Variants in GRID2 observed in about 807,000 individuals in gnomAD.
GRID2 encodes the protein glutamate receptor ionotropic, delta-2.
GRID2 carries 33 observed loss-of-function variants against 114.8 expected under a neutral mutation model. That is an observed-to-expected ratio of 0.29 (90% CI 0.22 to 0.38). The LOEUF is 0.38. GRID2 is among the 10% of genes least tolerant of loss of function. The probability of loss-of-function intolerance (pLI) is 1.00; values close to 1 mark genes in which losing one functional copy is unlikely to be tolerated. For synonymous variants in GRID2, 505 were observed against 449.9 expected, an observed-to-expected ratio of 1.12 and a Z score of -1.55; for missense variants, 1,184 against 1,257.7, an observed-to-expected ratio of 0.94 and a Z score of 0.89.
intron 8 of GRID2, among the ~76,000 whole-genome samples, chr4:93,253,747 A>G (rs926365032): frequency 6.6e-6 from 1 of 152,146 alleles, no homozygotes; most frequent in African/African-American, 2.4e-5. Flanking sequence ...TCAAATTCCA[A>G]ATAATTCTGA....
At chr4:92,599,053 G>GTC (rs140216682) in intron 2 of GRID2, among the ~76,000 whole-genome samples, 1,299 of 88,576 alleles carry the variant, frequency 0.015, 21 homozygotes, top group African/African-American at 0.055. Context: ...TTTTTTTCCT[G>GTC]TCTCTCTCTC....
chr4:92,521,657 GC>G (rs1296588196), intron 1 of GRID2, among the ~76,000 whole-genome samples: 1 of 151,916 alleles, frequency 6.6e-6, no homozygotes, highest in Non-Finnish European at 1.5e-5. Context: ...TGGTGCCTGA[GC>G]TTATCTTAAA....
rs754211697 is a variant in GRID2, at chr4:92,860,282, CA to C, written c.245-224712del. ...ACCTAACAATTTTGCTGAGGGCCAG[CA>C]CCGGTCAGCTTTCTTTTTGTTAACA... On this transcript the variant is annotated intron_variant, in intron 2 of 15. Coordinates refer to ENST00000282020, the MANE Select transcript of GRID2 (RefSeq NM_001510.4). Among the ~76,000 whole-genome samples the C allele has an allele frequency of 3.1e-4, 47 of 152,044 alleles. 1 individual carries two copies. The highest frequency in any genetic ancestry group is 2.9e-5 in the Non-Finnish European group (2 of 67,984).
chr4:93,636,440 C>G (rs922529342), intron 14 of GRID2, among the ~76,000 whole-genome samples: 1 of 152,030 alleles, frequency 6.6e-6, no homozygotes, highest in African/African-American at 2.4e-5. Context: ...CACATGCGCA[C>G]ACATACACAC....
intron 2 of GRID2, among the ~76,000 whole-genome samples, chr4:92,780,760 G>A (rs992516013): frequency 6.6e-6 from 1 of 151,816 alleles, no homozygotes; most frequent in Non-Finnish European, 1.5e-5. Context: ...TTCTCTTCCT[G>A]CAGTTAGACT....
At chr4:92,565,850 G>A (rs1727310344) in intron 1 of GRID2, among the ~76,000 whole-genome samples, 1 of 152,016 alleles carries the variant, frequency 6.6e-6, no homozygotes, top group African/African-American at 2.4e-5. Flanking sequence ...TGTTATTGCT[G>A]TGTAACAAAT....
chr4:92,603,872 G>A (rs1461246068), intron 2 of GRID2, among the ~76,000 whole-genome samples: 1 of 151,864 alleles, frequency 6.6e-6, no homozygotes, highest in Non-Finnish European at 1.5e-5. Context: ...GTAGTCAAAT[G>A]ACAAGAACAG....
intron 8 of GRID2, among the ~76,000 whole-genome samples, chr4:93,244,353 C>A (rs13147382): frequency 0.54 from 81,332 of 151,224 alleles, 22,979 homozygotes; most frequent in Middle Eastern, 0.73. Context: ...TATTTTACCT[C>A]CTAGGTACAG....
intron 13 of GRID2, among the ~76,000 whole-genome samples, chr4:93,553,390 C>T (rs1733975973): frequency 6.6e-6 from 1 of 152,082 alleles, no homozygotes; most frequent in Non-Finnish European, 1.5e-5. Context: ...TATGGGAACT[C>T]TTGCTAACTT....
intron 13 of GRID2, among the ~76,000 whole-genome samples, chr4:93,558,607 G>A (rs1157494403): frequency 3.3e-5 from 5 of 152,080 alleles, no homozygotes; most frequent in Admixed American, 1.3e-4. Flanking sequence ...CCTACCAACC[G>A]AAAAATGCCC....
chr4:93,728,823 G>A (rs1440376474), intron 14 of GRID2, among the ~76,000 whole-genome samples: 2 of 151,446 alleles, frequency 1.3e-5, no homozygotes, highest in Non-Finnish European at 2.9e-5. Context: ...GCCTTTTTTT[G>A]TTTTCCATTT....
At chr4:93,359,530 T>C (rs1761675058) in intron 8 of GRID2, among the ~76,000 whole-genome samples, 1 of 151,594 alleles carries the variant, frequency 6.6e-6, no homozygotes, top group Non-Finnish European at 1.5e-5. Context: ...TATTCATTTT[T>C]TTCTGTAGCC....
At chr4:92,538,974 G>A (rs1194794887) in intron 1 of GRID2, among the ~76,000 whole-genome samples, 6 of 150,678 alleles carry the variant, frequency 4.0e-5, no homozygotes, top group South Asian at 2.1e-4. Flanking sequence ...CCTGGGAGGC[G>A]CAGCTTGCAG....
At position 92,476,023 on chromosome 4, in the gene GRID2, C is replaced by CTTTT. The variant is rs752757998; in HGVS notation, c.89-114093_89-114090dup. Among the ~76,000 whole-genome samples the CTTTT allele has an allele frequency of 2.7e-4, 34 of 125,086 alleles. 1 individual carries two copies. The highest frequency in any genetic ancestry group is 5.1e-4 in the South Asian group (2 of 3,898). 82.1% of individuals were successfully genotyped at this position (125,086 alleles called of 152,430 possible). ...TACTGATTTAAGAAATTCAGTGCTT[C>CTTTT]TTTTTTTTTTTTTTTTTTGTGACGG... On this transcript the variant is annotated intron_variant, in intron 1 of 15. Transcript: ENST00000282020.
intron 2 of GRID2, among the ~76,000 whole-genome samples, chr4:92,940,468 C>T (rs907817783): frequency 6.6e-5 from 10 of 151,800 alleles, no homozygotes; most frequent in African/African-American, 9.7e-5. Flanking sequence ...AGATTTTGGG[C>T]TGAGACGATG....
At chr4:93,416,884 A>G (rs2149360170) in intron 9 of GRID2, among the ~76,000 whole-genome samples, 1 of 152,224 alleles carries the variant, frequency 6.6e-6, no homozygotes, top group East Asian at 1.9e-4. Context: ...GTGGATCCTC[A>G]TGCTAATGTA....
intron 1 of GRID2, among the ~76,000 whole-genome samples, chr4:92,521,540 A>AGG (rs920350149): frequency 6.6e-6 from 1 of 151,998 alleles, no homozygotes; most frequent in Admixed American, 6.6e-5. Flanking sequence ...TCTGTTGCAT[A>AGG]GAATTCCTTT....
chr4:92,651,183 T>C (rs1731912177), intron 2 of GRID2, among the ~76,000 whole-genome samples: 1 of 152,086 alleles, frequency 6.6e-6, no homozygotes, highest in Admixed American at 6.6e-5. Flanking sequence ...AATAAATGTC[T>C]ATTGCAATAA....
chr4:93,548,034 G>A (rs2149537737), intron 13 of GRID2, among the ~76,000 whole-genome samples: 1 of 152,046 alleles, frequency 6.6e-6, no homozygotes, highest in African/African-American at 2.4e-5. Context: ...AAAATTAGCT[G>A]GGCACGGTGG....
Sources: allele counts gnomAD v4.1 joint callset (sites outside exome capture counted in the v4.1 genomes callset), GRCh38; gene constraint gnomAD v4.1.1; transcripts MANE v1.5; gene names NCBI Gene and HGNC (gene_info 2026-07-23, HGNC 2026-07-21).